The following CELF5 variants were observed in gnomAD, a reference collection of about 807,000 sequenced individuals.
CELF5 encodes the protein CUG-BP and ETR-3 like factor 5.
A neutral mutation model predicts 54.9 loss-of-function variants in CELF5; 6 were observed. The ratio of observed to expected loss-of-function variants is 0.11; its 90% confidence interval spans 0.06 to 0.22. The LOEUF (loss-of-function observed/expected upper bound fraction) is 0.22. Among genes scored for constraint, CELF5 ranks in the 10% least tolerant of loss-of-function variants. The probability of loss-of-function intolerance (pLI) is 1.00; values close to 1 mark genes in which losing one functional copy is unlikely to be tolerated. For synonymous variants in CELF5, 271 were observed against 290.9 expected (o/e 0.93, Z 0.70); for missense variants, 401 against 678.6 (o/e 0.59, Z 4.54).
chr19:3,237,778 G>A (rs1289402543), intron 1 of CELF5, among the ~76,000 whole-genome samples: 1 of 152,056 alleles, frequency 6.6e-6, no homozygotes, highest in African/African-American at 2.4e-5. Context: ...GGCCGGACGC[G>A]GTGGCTCACG....
At position 3,281,950 on chromosome 19, in the gene CELF5, C is replaced by T. The variant is rs906593737; in HGVS notation, c.751-176C>T. Among the ~76,000 whole-genome samples, 51 of 151,692 alleles carry T rather than the reference C, an allele frequency of 3.4e-4. No individual in the cohort carries two copies. Among genetic ancestry groups the T allele is most frequent in the Admixed American group, 3.3e-3 (50 of 15,206 alleles). On this transcript the variant is annotated intron_variant, in intron 6 of 12. Transcript: ENST00000292672. This position sits in a 1 kb window ranked among gnomAD's most constrained non-coding sequence, Gnocchi z 6.5. ...CTCAGCCTGAGCCTCACTTCCGAACCGATCTCTGCTCCCAGGCTGAGCCTT... is the reference window on the plus strand; with the variant it reads ...CTCAGCCTGAGCCTCACTTCCGAACTGATCTCTGCTCCCAGGCTGAGCCTT...
intron 2 of CELF5, among the ~76,000 whole-genome samples, chr19:3,267,827 G>A (rs1222554454): frequency 2.6e-5 from 4 of 152,074 alleles, no homozygotes; most frequent in African/African-American, 9.6e-5. Flanking sequence ...GTGGTCCCCT[G>A]GCAGGACCCC....
intron 11 of CELF5, among the ~76,000 whole-genome samples, chr19:3,292,387 G>A (rs886471155): frequency 6.0e-5 from 9 of 151,238 alleles, no homozygotes; most frequent in East Asian, 1.9e-4. Flanking sequence ...AGGCTCAAGC[G>A]ATTCTCCTGC....
chr19:3,240,180 C>A (rs528581034), intron 1 of CELF5, among the ~76,000 whole-genome samples: 52 of 152,078 alleles, frequency 3.4e-4, no homozygotes, highest in Middle Eastern at 6.8e-3. Context: ...CCACACCTAG[C>A]CAATTTTTGT....
chr19:3,294,939 C>T (rs1290789654), intron 12 of CELF5: 1 of 152,240 alleles, frequency 6.6e-6, no homozygotes, highest in Admixed American at 6.5e-5. Context: ...ATGGGAGCCC[C>T]TGTGTTCCTA....
chr19:3,232,720 T>C (rs1218369776), intron 1 of CELF5, among the ~76,000 whole-genome samples: 1 of 152,082 alleles, frequency 6.6e-6, no homozygotes, highest in Non-Finnish European at 1.5e-5. Context: ...GGTGGGAGGA[T>C]TGCTTGAGCC....
intron 1 of CELF5, among the ~76,000 whole-genome samples, chr19:3,242,643 T>TA: frequency 6.6e-6 from 1 of 152,074 alleles, no homozygotes. Context: ...CTGTCTCTAC[T>TA]AAAAATACAA....
chr19:3,287,200 A>G (rs1405153043), intron 10 of CELF5, among the ~76,000 whole-genome samples: 2 of 151,878 alleles, frequency 1.3e-5, no homozygotes, highest in African/African-American at 2.4e-5. Flanking sequence ...AACAACATGG[A>G]ATAACTTCAC....
intron 10 of CELF5, chr19:3,286,240 C>T: frequency 2.0e-6 from 1 of 502,638 alleles, no homozygotes; most frequent in South Asian, 2.9e-5. Context: ...ATGCTCGCCC[C>T]GACCCCGTAG....
At chr19:3,242,256 G>A (rs892242398) in intron 1 of CELF5, among the ~76,000 whole-genome samples, 8 of 152,152 alleles carry the variant, frequency 5.3e-5, no homozygotes, top group Non-Finnish European at 1.0e-4. Context: ...ACATTTGGCC[G>A]GGCACGATGG....
At position 3,281,167 on chromosome 19, in the gene CELF5, G is replaced by A. The variant is rs780174671; in HGVS notation, c.604-32G>A. The A allele has an allele frequency of 1.9e-5, 30 of 1,592,876 alleles. No individual in the cohort carries two copies. The Admixed American group carries it at 2.5e-4, about 13-fold the overall frequency. ...CAGAGTCCTGGCTACCTCCCAGCCC[G>A]TTTCCCTCCCTGCTCGCCGCTGCCC... On this transcript the variant is annotated intron_variant, in intron 5 of 12. Transcript: ENST00000292672. This position sits in a 1 kb window ranked among gnomAD's most constrained non-coding sequence, Gnocchi z 6.5.
intron 1 of CELF5, 22 bp from the exon 2 acceptor site, chr19:3,250,963 C>A (rs767070583): frequency 3.8e-6 from 6 of 1,598,396 alleles, no homozygotes; most frequent in South Asian, 3.3e-5. Context: ...TCTCTTAACA[C>A]CCCCGTTTCT....
intron 1 of CELF5, 97 bp from the exon 2 acceptor site, chr19:3,250,886 AGC>A: frequency 1.7e-6 from 1 of 572,122 alleles, no homozygotes; most frequent in Non-Finnish European, 3.0e-6. Flanking sequence ...TGTGGATGGA[AGC>A]TTGGGTTGCT....
intron 2 of CELF5, among the ~76,000 whole-genome samples, chr19:3,266,431 A>G (rs937688750): frequency 2.0e-5 from 3 of 152,082 alleles, no homozygotes; most frequent in African/African-American, 7.2e-5. Flanking sequence ...CAAACAAAAA[A>G]AAAAAAAGAA....
rs956610162 is a variant in CELF5 at position 3,278,943 on chromosome 19, G to A, written c.603+833G>A. On this transcript the variant is annotated intron_variant, in intron 5 of 12. Transcript: ENST00000292672. This position sits in a 1 kb window ranked among gnomAD's most constrained non-coding sequence, Gnocchi z 4.5. ...CAGAGGAGCCATAGAAGATGGGGCCGCAATGCGAGGCTGAGAAGCCTGGAC... is the reference window on the plus strand; with the variant it reads ...CAGAGGAGCCATAGAAGATGGGGCCACAATGCGAGGCTGAGAAGCCTGGAC... 6.6e-6 allele frequency among the ~76,000 whole-genome samples: 1 copy of A among 152,152 alleles called. No homozygotes were observed. Among genetic ancestry groups the A allele is most frequent in the African/African-American group, 2.4e-5 (1 of 41,434 alleles).
At chr19:3,245,685 T>C (rs2079557304) in intron 1 of CELF5, among the ~76,000 whole-genome samples, 1 of 152,134 alleles carries the variant, frequency 6.6e-6, no homozygotes, top group Admixed American at 6.6e-5. Context: ...GGGCTCGTTG[T>C]CTTAGTGTAG....
At chr19:3,235,716 G>GGA (rs1917552321) in intron 1 of CELF5, among the ~76,000 whole-genome samples, 1 of 120,324 alleles carries the variant, frequency 8.3e-6, no homozygotes, top group African/African-American at 3.2e-5. Flanking sequence ...ATGGATGGAT[G>GGA]TGTGGATGGG....
At chr19:3,262,949 T>A (rs1036190570) in intron 2 of CELF5, among the ~76,000 whole-genome samples, 21 of 144,904 alleles carry the variant, frequency 1.4e-4, no homozygotes, top group African/African-American at 5.2e-4. Flanking sequence ...AAAAAATTTT[T>A]AAAAATTAAA....
At chr19:3,270,302 G>A (rs1469779624) in intron 2 of CELF5, among the ~76,000 whole-genome samples, 35 of 152,190 alleles carry the variant, frequency 2.3e-4, no homozygotes. Flanking sequence ...CGGAGAGGAA[G>A]GGAAGGGTCA....
Sources: gnomAD v4.1 joint callset for allele counts (sites outside exome capture counted in the v4.1 genomes callset) on GRCh38, gnomAD v4.1.1 for gene constraint, Gnocchi (gnomAD v3.1) non-coding constraint, MANE v1.5 for transcripts, NCBI Gene and HGNC (gene_info 2026-07-23, HGNC 2026-07-21) for gene names.